The following SLC12A7 variants were observed in gnomAD, a reference collection of about 807,000 sequenced individuals.
SLC12A7 encodes the protein K-Cl cotransporter 4.
A neutral mutation model predicts 120.6 loss-of-function variants in SLC12A7; 100 were observed. The observed-to-expected ratio is 0.83, with a 90% CI of 0.71 to 0.98. The LOEUF is 0.98. SLC12A7 is among the 50% of genes least tolerant of loss of function. The pLI, the probability that SLC12A7 is intolerant of heterozygous loss-of-function variation, is 0.00. For synonymous variants in SLC12A7, 760 were observed against 678.0 expected (o/e 1.12, Z -1.88); for missense variants, 1,373 against 1,548.1 (o/e 0.89, Z 1.90).
At chr5:1,099,886 G>A (rs1157976775) in intron 1 of SLC12A7, among the ~76,000 whole-genome samples, 1 of 152,248 alleles carries the variant, frequency 6.6e-6, no homozygotes, top group Non-Finnish European at 1.5e-5. Flanking sequence ...GTACGGGGCA[G>A]GAGTGCGCAG....
intron 7 of SLC12A7, among the ~76,000 whole-genome samples, chr5:1,084,648 G>C (rs1410324367): frequency 6.6e-6 from 1 of 152,190 alleles, no homozygotes; most frequent in Non-Finnish European, 1.5e-5. Context: ...GGTTGCAGCT[G>C]TTCTGCCTCC....
intron 14 of SLC12A7, chr5:1,075,801 G>C (rs979394456): frequency 4.0e-6 from 2 of 498,614 alleles, no homozygotes; most frequent in South Asian, 3.7e-5. Context: ...CTGGGGAGGG[G>C]AGTTAAGAAG....
intron 15 of SLC12A7, 102 bp downstream of exon 15, chr5:1,075,269 C>T: frequency 1.3e-6 from 2 of 1,486,268 alleles, no homozygotes; most frequent in Non-Finnish European, 1.8e-6. Flanking sequence ...ACACGACGCT[C>T]AAGCCCCAGG....
intron 20 of SLC12A7, among the ~76,000 whole-genome samples, chr5:1,061,222 C>T (rs1312614424): frequency 6.4e-5 from 1 of 15,696 alleles, no homozygotes; most frequent in African/African-American, 7.5e-5. Context: ...TCTCACCCAC[C>T]GCACCCGCCG....
chr5:1,083,827 G>A lies in SLC12A7; in HGVS notation c.1047C>T (p.Ser349=), dbSNP rs147924601. 70 of 1,609,258 alleles carry A rather than the reference G, an allele frequency of 4.3e-5. No individual in the cohort carries two copies. In the Middle Eastern group the frequency reaches 8.3e-4, roughly 19 times the overall value. Residue 349 remains serine, a synonymous_variant, in exon 8 of 24, where the codon AGC becomes AGT. Transcript: ENST00000264930. ...WGLFCNGSQP[S]AACDEYFIQN... ...GGATGAAGTACTCGTCACAGGCGGC[G>A]CTGGGCTGGGAGCCGTTGCAGAAGA...
intron 1 of SLC12A7, among the ~76,000 whole-genome samples, chr5:1,096,860 G>A (rs1265534559): frequency 1.8e-5 from 2 of 111,614 alleles, no homozygotes; most frequent in Admixed American, 8.9e-5. Context: ...GAGGGAGGGA[G>A]GGATGAAGGG....
rs1043092562 is a variant in SLC12A7 at position 1,094,088 on chromosome 5, G to A, written c.219+66C>T. ...GGCCCCGGCCTGGGGGCCCCCAGGG[G>A]CTCCTTTACTTTTCCACATCAAAGC... is the stretch of plus-strand genomic sequence containing the variant. On this transcript the variant is annotated intron_variant, in intron 2 of 23. Coordinates refer to ENST00000264930, the MANE Select transcript of SLC12A7 (RefSeq NM_006598.3). 12 of 1,364,294 alleles carry A rather than the reference G, an allele frequency of 8.8e-6. No individual in the cohort carries two copies. In the Admixed American group the frequency reaches 1.2e-4, roughly 14 times the overall value. 84.5% of individuals were successfully genotyped at this position (1,364,294 alleles called of 1,614,324 possible).
the SLC12A7 span, among the ~76,000 whole-genome samples, chr5:1,140,735 C>T: frequency 6.6e-6 from 1 of 152,238 alleles, no homozygotes; most frequent in Non-Finnish European, 1.5e-5. Context: ...GGGGAGGGCT[C>T]AGGTGGCTGG....
At chr5:1,085,136 C>T in intron 7 of SLC12A7, 96 bp downstream of exon 7, 1 of 1,510,258 alleles carries the variant, frequency 6.6e-7, no homozygotes, top group Non-Finnish European at 8.9e-7. Context: ...TTGCGGGGAG[C>T]TCGGCGTCAA....
At chr5:1,136,297 G>A in the SLC12A7 span, among the ~76,000 whole-genome samples, 3 of 152,182 alleles carry the variant, frequency 2.0e-5, no homozygotes, top group East Asian at 5.8e-4. Flanking sequence ...CATGAGACAC[G>A]ACTGACACAC....
chr5:1,058,499 C>T (rs1023894467), intron 21 of SLC12A7, among the ~76,000 whole-genome samples: 2 of 152,232 alleles, frequency 1.3e-5, no homozygotes, highest in Admixed American at 6.5e-5. Flanking sequence ...TGACGCAGCC[C>T]GGGGAGCCAC....
At chr5:1,062,029 G>A (rs540464033) in intron 20 of SLC12A7, among the ~76,000 whole-genome samples, 2 of 152,336 alleles carry the variant, frequency 1.3e-5, no homozygotes, top group Admixed American at 1.3e-4. Flanking sequence ...TGCGGCCAGG[G>A]CTACGGAGGG....
At chr5:1,096,810 AAGGAGGGAAGGGAGGGAAGG>A (rs1741264315) in intron 1 of SLC12A7, among the ~76,000 whole-genome samples, 3 of 42,706 alleles carry the variant, frequency 7.0e-5, no homozygotes, top group Non-Finnish European at 1.5e-4. Context: ...GGAGGGAAGG[AAGGAGGGAAGGGAGGGAAGG>A]AAGGAGGGAG....
upstream of SLC12A7, among the ~76,000 whole-genome samples, chr5:1,114,957 G>C (rs11954799): frequency 0.29 from 44,796 of 152,148 alleles, 7,814 homozygotes; most frequent in African/African-American, 0.47. Context: ...CCACAGGAAA[G>C]GCAGGGCAAG....
chr5:1,100,955 G>A (rs1172315647), intron 1 of SLC12A7, among the ~76,000 whole-genome samples: 1 of 152,162 alleles, frequency 6.6e-6, no homozygotes, highest in Non-Finnish European at 1.5e-5. Context: ...GGCTCTGCAT[G>A]GTGACCACCC....
rs143716827 is a variant in SLC12A7, at chr5:1,073,932, G to A, written c.2073-131C>T. 1,307 of 819,740 alleles carry A rather than the reference G, an allele frequency of 1.6e-3. 8 individuals carry two copies. The African/African-American group carries it at 0.02, about 13-fold the overall frequency. 50.8% of individuals were successfully genotyped at this position (819,740 alleles called of 1,614,324 possible). On this transcript the variant is annotated intron_variant, in intron 16 of 23. Transcript: ENST00000264930. ...CGGGAGATACATGACAGGCGGGACA[G>A]GGGACAAAAGGGGCAGGTGACAGAT...
In SLC12A7 at chr5:1,053,347, A is replaced by T; in HGVS notation, c.3160+2T>A. On this transcript the variant is annotated splice_donor_variant, in intron 23 of 23. Coordinates refer to ENST00000264930, the MANE Select transcript of SLC12A7 (RefSeq NM_006598.3). LOFTEE classifies it high-confidence loss of function. ...CAGCAGGCACACTGCAAGAAAGGAT[A>T]CAGTTCTCGTCTCCCTGCCGGTTTT... The T allele has an allele frequency of 6.2e-7, 1 of 1,613,648 alleles. No homozygotes were observed. The highest frequency in any genetic ancestry group is 8.5e-7 in the Non-Finnish European group (1 of 1,179,864).
At chr5:1,079,617 G>A (rs993575858) in intron 9 of SLC12A7, 121 bp from the exon 10 acceptor site, 29 of 780,964 alleles carry the variant, frequency 3.7e-5, no homozygotes, top group Non-Finnish European at 4.5e-5. Flanking sequence ...AGCTGCAGCC[G>A]AGGCTGCAGT....
At chr5:1,117,621 C>A in the SLC12A7 span, among the ~76,000 whole-genome samples, 3 of 152,172 alleles carry the variant, frequency 2.0e-5, no homozygotes, top group African/African-American at 7.2e-5. The surrounding 1 kb of genome is among the most constrained non-coding windows in gnomAD (Gnocchi z 4.5). Context: ...TCAGCTGGCA[C>A]CACTCAGACC....
Sources: allele counts gnomAD v4.1 joint callset (sites outside exome capture counted in the v4.1 genomes callset), GRCh38; gene constraint gnomAD v4.1.1; non-coding constraint Gnocchi (gnomAD v3.1); transcripts MANE v1.5; gene names NCBI Gene and HGNC (gene_info 2026-07-23, HGNC 2026-07-21).